PRKG1: variants seen among roughly 807,000 people sequenced by gnomAD.
PRKG1 encodes the protein cGMP-dependent protein kinase 1.
In PRKG1, 35 loss-of-function variants were observed where a neutral mutation model predicts 88.1. That is an observed-to-expected ratio of 0.40 (90% confidence interval 0.30 to 0.53). PRKG1 has a LOEUF of 0.53. Ranked by LOEUF, PRKG1 falls within the 20% of genes least tolerant of loss-of-function variation. The pLI, the probability that PRKG1 is intolerant of heterozygous loss-of-function variation, is 0.59. For synonymous variants in PRKG1, 303 were observed against 292.5 expected (o/e 1.04, Z -0.37); for missense variants, 540 against 839.8 (o/e 0.64, Z 4.41).
chr10:51,041,359 G>A (rs1470966696), intron 1 of PRKG1, among the ~76,000 whole-genome samples: 2 of 151,984 alleles, frequency 1.3e-5, no homozygotes, highest in African/African-American at 2.4e-5. Context: ...AAATTCCCCT[G>A]TATTTTTATC....
intron 3 of PRKG1, among the ~76,000 whole-genome samples, chr10:51,755,011 CAAA>C (rs11450493): frequency 7.6e-6 from 1 of 130,840 alleles, no homozygotes; most frequent in Non-Finnish European, 1.6e-5. Context: ...AACTCAATTA[CAAA>C]AAAAAAAAAA....
Position 51,441,874 on chromosome 10 carries a change from T to C in PRKG1, c.479-25849T>C, listed in dbSNP as rs559615168. Among the ~76,000 whole-genome samples the C allele has an allele frequency of 7.7e-4, 117 of 152,122 alleles. 1 individual carries two copies. The highest frequency in any genetic ancestry group is 3.0e-3 in the Admixed American group (46 of 15,254). ...ATTTTGCCTCTCATAGTTTCTTCTTTTTCACTTTACATACTCAGAATTCTG... is the reference window on the plus strand; with the variant it reads ...ATTTTGCCTCTCATAGTTTCTTCTTCTTCACTTTACATACTCAGAATTCTG... On this transcript the variant is annotated intron_variant, in intron 2 of 17. Transcript: ENST00000373980.
intron 3 of PRKG1, among the ~76,000 whole-genome samples, chr10:51,722,546 A>C (rs760655796): frequency 1.3e-5 from 2 of 152,122 alleles, no homozygotes; most frequent in African/African-American, 4.8e-5. Context: ...CTTTTGCAAT[A>C]ACCTTATGAT....
At chr10:51,338,726 G>T (rs1169990960) in intron 2 of PRKG1, among the ~76,000 whole-genome samples, 1 of 152,064 alleles carries the variant, frequency 6.6e-6, no homozygotes, top group African/African-American at 2.4e-5. Flanking sequence ...GATAAATCTG[G>T]GGATCTTTGG....
At chr10:51,963,211 G>A (rs1380973679) in intron 5 of PRKG1, among the ~76,000 whole-genome samples, 2 of 152,102 alleles carry the variant, frequency 1.3e-5, no homozygotes, top group Non-Finnish European at 2.9e-5. Flanking sequence ...TGGATGTATT[G>A]AAATCACTAG....
At chr10:50,993,220 A>C (rs1238153275) in intron 1 of PRKG1, among the ~76,000 whole-genome samples, 1 of 152,178 alleles carries the variant, frequency 6.6e-6, no homozygotes, top group African/African-American at 2.4e-5. Flanking sequence ...GGGGAGAAAA[A>C]CAGGAATCAG....
At chr10:51,708,845 GGTCAGGAGACT>G (rs1325381255) in intron 3 of PRKG1, among the ~76,000 whole-genome samples, 1 of 152,180 alleles carries the variant, frequency 6.6e-6, no homozygotes, top group African/African-American at 2.4e-5. Flanking sequence ...GTCATGGAGA[GGTCAGGAGACT>G]GACTTGAGGG....
At chr10:51,092,175 C>T (rs757496074) in intron 1 of PRKG1, among the ~76,000 whole-genome samples, 3 of 151,808 alleles carry the variant, frequency 2.0e-5, no homozygotes, top group Non-Finnish European at 4.4e-5. Flanking sequence ...ATGAGAGAGG[C>T]AAAGGGAGAG....
At chr10:51,608,865 T>A (rs917046704) in intron 3 of PRKG1, among the ~76,000 whole-genome samples, 1 of 152,162 alleles carries the variant, frequency 6.6e-6, no homozygotes, top group Admixed American at 6.5e-5. Flanking sequence ...TGTGTATTTA[T>A]GTCTTAGTTT....
At chr10:51,972,968 T>C (rs1843745000) in intron 5 of PRKG1, among the ~76,000 whole-genome samples, 2 of 152,152 alleles carry the variant, frequency 1.3e-5, no homozygotes, top group Admixed American at 1.3e-4. Flanking sequence ...GTCACTGATC[T>C]GGTCAGACTG....
At chr10:51,994,481 G>A (rs940012271) in intron 5 of PRKG1, among the ~76,000 whole-genome samples, 1 of 152,062 alleles carries the variant, frequency 6.6e-6, no homozygotes, top group Non-Finnish European at 1.5e-5. Context: ...GAACCCCTCT[G>A]GGCATTTCCT....
At chr10:51,665,856 G>GA (rs552994052) in intron 3 of PRKG1, among the ~76,000 whole-genome samples, 1 of 151,624 alleles carries the variant, frequency 6.6e-6, no homozygotes, top group East Asian at 1.9e-4. Context: ...TGGTAGAAGA[G>GA]AAAAAAAATT....
intron 5 of PRKG1, chr10:51,909,856 G>T (rs534671667): frequency 6.6e-6 from 1 of 152,416 alleles, no homozygotes; most frequent in East Asian, 1.9e-4. Context: ...GGTAGGAAAG[G>T]GAAAGTCAGG....
chr10:51,230,352 G>A (rs1184023592), intron 2 of PRKG1, among the ~76,000 whole-genome samples: 1 of 152,170 alleles, frequency 6.6e-6, no homozygotes, highest in Non-Finnish European at 1.5e-5. Context: ...ATTTTGATGA[G>A]TGATTCATAT....
At chr10:52,172,365 T>C (rs995933355) in intron 9 of PRKG1, among the ~76,000 whole-genome samples, 1 of 152,214 alleles carries the variant, frequency 6.6e-6, no homozygotes, top group South Asian at 2.1e-4. Flanking sequence ...CTTTCCACCA[T>C]TGCTGTATTA....
intron 1 of PRKG1, among the ~76,000 whole-genome samples, chr10:51,092,171 G>A (rs1844414510): frequency 6.6e-6 from 1 of 152,172 alleles, no homozygotes; most frequent in Non-Finnish European, 1.5e-5. Flanking sequence ...TGAAATGAGA[G>A]AGGCAAAGGG....
intron 3 of PRKG1, among the ~76,000 whole-genome samples, chr10:51,725,462 A>G (rs1842108145): frequency 6.6e-6 from 1 of 150,824 alleles, no homozygotes. Context: ...TTGGTCAATC[A>G]CTAGTATTGT....
At chr10:51,377,455 G>C (rs1490817117) in intron 2 of PRKG1, among the ~76,000 whole-genome samples, 1 of 152,166 alleles carries the variant, frequency 6.6e-6, no homozygotes, top group East Asian at 1.9e-4. Context: ...ACCATGAAGG[G>C]TTAAAAGTTT....
chr10:51,668,185 G>A (rs974119204), intron 3 of PRKG1, among the ~76,000 whole-genome samples: 1 of 152,144 alleles, frequency 6.6e-6, no homozygotes, highest in African/African-American at 2.4e-5. Context: ...TTTATGCTCA[G>A]CTGCAGGAAG....
Sources: allele counts gnomAD v4.1 joint callset (sites outside exome capture counted in the v4.1 genomes callset), GRCh38; gene constraint gnomAD v4.1.1; transcripts MANE v1.5; gene names NCBI Gene and HGNC (gene_info 2026-07-23, HGNC 2026-07-21).